The following MARCHF1 variants were observed in gnomAD, a reference collection of about 807,000 sequenced individuals.
MARCHF1 encodes the protein membrane associated ring-CH-type finger 1.
MARCHF1 carries 40 observed loss-of-function variants against 54.2 expected under a neutral mutation model. The observed-to-expected ratio is 0.74, with a 90% CI of 0.57 to 0.96. MARCHF1 has a LOEUF of 0.96. MARCHF1 is among the 40% of genes least tolerant of loss of function. The pLI is 0.00. For missense variants in MARCHF1, 586 were observed against 656.5 expected (o/e 0.89, Z 1.17); for synonymous variants, 236 against 236.3 (o/e 1.00, Z 0.01).
At chr4:163,725,045 G>C (rs1338974076) in intron 4 of MARCHF1, among the ~76,000 whole-genome samples, 1 of 152,082 alleles carries the variant, frequency 6.6e-6, no homozygotes, top group East Asian at 1.9e-4. Flanking sequence ...TCCCCAGTGA[G>C]ATGAACCCAG....
At chr4:163,947,736 T>G (rs1339315784) in intron 3 of MARCHF1, among the ~76,000 whole-genome samples, 1 of 152,234 alleles carries the variant, frequency 6.6e-6, no homozygotes, top group African/African-American at 2.4e-5. Flanking sequence ...GTGGTAGAAG[T>G]AGGAAACTAG....
chr4:163,647,115 A>T (rs572826703), intron 5 of MARCHF1, among the ~76,000 whole-genome samples: 2 of 152,092 alleles, frequency 1.3e-5, no homozygotes, highest in Non-Finnish European at 2.9e-5. Flanking sequence ...AGCTTTACTT[A>T]TATCAGAAAA....
intron 5 of MARCHF1, among the ~76,000 whole-genome samples, chr4:163,620,673 A>G (rs1191818485): frequency 1.3e-5 from 2 of 151,090 alleles, no homozygotes; most frequent in Non-Finnish European, 2.9e-5. Context: ...ACACATTTAT[A>G]GAATATATTT....
At chr4:163,996,907 T>A (rs146233584) in intron 2 of MARCHF1, among the ~76,000 whole-genome samples, 25 of 152,154 alleles carry the variant, frequency 1.6e-4, no homozygotes, top group African/African-American at 5.8e-4. Context: ...CATGGCTATA[T>A]CAACACTTTG....
chr4:163,545,985 A>G (rs890827349), intron 8 of MARCHF1, among the ~76,000 whole-genome samples: 174 of 132,040 alleles, frequency 1.3e-3, no homozygotes, highest in Non-Finnish European at 2.1e-3. Context: ...GTGTGTGTGT[A>G]TTTTTTTGAG....
intron 3 of MARCHF1, among the ~76,000 whole-genome samples, chr4:163,881,847 T>C (rs1319846119): frequency 6.6e-6 from 1 of 152,220 alleles, no homozygotes; most frequent in Non-Finnish European, 1.5e-5. Flanking sequence ...GCCTGAATTC[T>C]ACCTGTTGTA....
At chr4:163,761,484 C>T (rs562975440) in intron 4 of MARCHF1, among the ~76,000 whole-genome samples, 5 of 150,820 alleles carry the variant, frequency 3.3e-5, no homozygotes, top group South Asian at 4.2e-4. Context: ...GCCTAGGTGT[C>T]GTAGAAGCTG....
chr4:163,807,761 C>A (rs1365338910), intron 4 of MARCHF1, among the ~76,000 whole-genome samples: 1 of 151,022 alleles, frequency 6.6e-6, no homozygotes, highest in East Asian at 1.9e-4. Flanking sequence ...TGAAATATAC[C>A]CCCAAATATG....
rs139844282 is a variant in MARCHF1 at position 164,248,194 on chromosome 4, A to C, written c.-323+135676T>G. Among the ~76,000 whole-genome samples, 443 of 152,112 alleles carry C rather than the reference A, an allele frequency of 2.9e-3. 3 individuals are homozygous for C. The highest frequency in any genetic ancestry group is 0.01 in the African/African-American group (425 of 41,494). On this transcript the variant is annotated intron_variant, in intron 1 of 9. Coordinates refer to ENST00000514618, the MANE Select transcript of MARCHF1 (RefSeq NM_001394959.1). The stretch of plus-strand genomic sequence containing the variant: ...TTAATTAAACACTGACACAACAATA[A>C]AGTTATTTAGTGACCAATATTCTCG...
At chr4:163,961,991 T>G (rs1237285818) in intron 3 of MARCHF1, among the ~76,000 whole-genome samples, 1 of 152,010 alleles carries the variant, frequency 6.6e-6, no homozygotes, top group African/African-American at 2.4e-5. Context: ...ACATTTGTTT[T>G]TACTTTAAAA....
chr4:163,978,564 T>C (rs576147358), intron 3 of MARCHF1, among the ~76,000 whole-genome samples: 1 of 152,220 alleles, frequency 6.6e-6, no homozygotes, highest in Admixed American at 6.5e-5. Flanking sequence ...GTAACCTGAG[T>C]TTCCACAGCT....
At chr4:163,753,018 G>A (rs960240116) in intron 4 of MARCHF1, among the ~76,000 whole-genome samples, 5 of 152,056 alleles carry the variant, frequency 3.3e-5, no homozygotes, top group Non-Finnish European at 7.4e-5. Flanking sequence ...TTGTTACCAT[G>A]TATTCTTTTG....
At chr4:163,549,157 C>T (rs1213595267) in intron 8 of MARCHF1, among the ~76,000 whole-genome samples, 5 of 152,212 alleles carry the variant, frequency 3.3e-5, no homozygotes, top group African/African-American at 1.2e-4. Flanking sequence ...ACACTACACG[C>T]GCCCACCACC....
At chr4:164,088,249 A>G (rs1042298020) in intron 2 of MARCHF1, among the ~76,000 whole-genome samples, 1 of 152,198 alleles carries the variant, frequency 6.6e-6, no homozygotes, top group Non-Finnish European at 1.5e-5. Flanking sequence ...GTATTACTCT[A>G]ATTTGAGATA....
intron 1 of MARCHF1, among the ~76,000 whole-genome samples, chr4:164,176,978 C>CTATATATATATA (rs1225209896): frequency 7.7e-5 from 3 of 38,878 alleles, no homozygotes; most frequent in African/African-American, 3.3e-4. Flanking sequence ...CTCTCTCTCT[C>CTATATATATATA]TCTATATATA....
intron 1 of MARCHF1, among the ~76,000 whole-genome samples, chr4:164,262,176 C>T (rs943216755): frequency 2.0e-5 from 3 of 151,566 alleles, no homozygotes; most frequent in African/African-American, 7.3e-5. Flanking sequence ...GTTCACCTCC[C>T]AAGAGGTGAA....
At chr4:164,191,691 A>T (rs1181023883) in intron 1 of MARCHF1, among the ~76,000 whole-genome samples, 1 of 152,178 alleles carries the variant, frequency 6.6e-6, no homozygotes, top group East Asian at 1.9e-4. Context: ...ATATGTTAAA[A>T]ACTCGAGGCA....
chr4:163,789,070 T>A (rs990415087), intron 4 of MARCHF1, among the ~76,000 whole-genome samples: 5 of 152,114 alleles, frequency 3.3e-5, no homozygotes, highest in Non-Finnish European at 5.9e-5. Context: ...ATTTTTTGTT[T>A]GAAAATTTTC....
intron 4 of MARCHF1, among the ~76,000 whole-genome samples, chr4:163,779,676 T>C (rs1262758623): frequency 1.3e-5 from 2 of 152,158 alleles, no homozygotes; most frequent in Non-Finnish European, 2.9e-5. Context: ...GGTCAATTTA[T>C]TTGCTCTGAA....
Sources: gnomAD v4.1 joint callset for allele counts (sites outside exome capture counted in the v4.1 genomes callset) on GRCh38, gnomAD v4.1.1 for gene constraint, MANE v1.5 for transcripts, NCBI Gene and HGNC (gene_info 2026-07-23, HGNC 2026-07-21) for gene names.